The following IQGAP1 variants were observed in gnomAD, a reference collection of about 807,000 sequenced individuals.
IQGAP1 encodes IQ motif containing GTPase activating protein 1.
A neutral mutation model predicts 215.6 loss-of-function variants in IQGAP1; 66 were observed. That is an observed-to-expected ratio of 0.31 (90% CI 0.25 to 0.38). The LOEUF (loss-of-function observed/expected upper bound fraction) is 0.38, where lower values mean the gene tolerates loss of function less well. IQGAP1 is among the 10% of genes least tolerant of loss of function. The pLI, the probability that IQGAP1 is intolerant of heterozygous loss-of-function variation, is 1.00. For missense variants in IQGAP1, 1,712 were observed against 1,997.1 expected, an observed-to-expected ratio of 0.86 and a Z score of 2.72; for synonymous variants, 772 against 728.7, an observed-to-expected ratio of 1.06 and a Z score of -0.96.
rs909996108 is a variant in IQGAP1 at position 90,477,306 on chromosome 15, CTGATCTTTTCT to C, written c.3104+83_3104+93del. On this transcript the variant is annotated intron_variant, in intron 25 of 37. Transcript: ENST00000268182. Reference sequence around the variant, plus strand: ...CTCCCAGTTTGAGATTCATGCCTTCCTGATCTTTTCTTGATCTCAATTAATTTATGAAAAAT... The same window carrying C: ...CTCCCAGTTTGAGATTCATGCCTTCCTGATCTCAATTAATTTATGAAAAAT... The C allele has an allele frequency of 3.0e-5, 36 of 1,191,952 alleles. No homozygotes were observed. The Middle Eastern group carries it at 6.4e-4, about 21-fold the overall frequency. 73.8% of individuals were successfully genotyped at this position (1,191,952 alleles called of 1,614,324 possible). A position where few individuals can be genotyped will look rare whatever the true frequency, so the allele number is the denominator to read the frequency against.
chr15:90,428,567 T>A (rs1965259300), intron 3 of IQGAP1, among the ~76,000 whole-genome samples: 1 of 151,276 alleles, frequency 6.6e-6, no homozygotes, highest in Non-Finnish European at 1.5e-5. Flanking sequence ...CTCACTTGAG[T>A]CTAGGAGTTT....
intron 9 of IQGAP1, 100 bp downstream of exon 9, chr15:90,443,578 T>C: frequency 3.0e-6 from 2 of 669,430 alleles, no homozygotes; most frequent in East Asian, 2.9e-5. Flanking sequence ...TTACTTACTT[T>C]AGACATTCGT....
chr15:90,415,313 A>G (rs8041401), intron 2 of IQGAP1, among the ~76,000 whole-genome samples: 28,599 of 152,136 alleles, frequency 0.19, 2,789 homozygotes, highest in South Asian at 0.23. Context: ...TATACATGTA[A>G]AGATTATGGA....
At chr15:90,393,169 G>A (rs1380227263) in intron 2 of IQGAP1, among the ~76,000 whole-genome samples, 1 of 102,330 alleles carries the variant, frequency 9.8e-6, no homozygotes, top group Non-Finnish European at 1.8e-5. Context: ...AGTAGGTCGG[G>A]GTGGGAGATC....
In IQGAP1 at chr15:90,474,713, G is replaced by A. The variant is rs374456261; in HGVS notation, c.2784+20G>A. 2.9e-4 allele frequency: 464 copies of A among 1,575,154 alleles called. 1 individual carries two copies. The highest frequency in any genetic ancestry group is 3.5e-4 in the Non-Finnish European group (396 of 1,145,216). On this transcript the variant is annotated intron_variant, in intron 23 of 37. Transcript: ENST00000268182. ...TTGCAGGTATGGCCCAGTGCCAGCG[G>A]GGGCCTTGGAACGGTTCATCCTGCT... is the stretch of plus-strand genomic sequence containing the variant.
intron 36 of IQGAP1, among the ~76,000 whole-genome samples, chr15:90,495,334 T>C (rs1966256585): frequency 6.6e-6 from 1 of 152,168 alleles, no homozygotes; most frequent in Non-Finnish European, 1.5e-5. Context: ...CAGTCAGCCC[T>C]GTGACCTCAG....
chr15:90,433,108 G>T (rs6496674), intron 4 of IQGAP1, among the ~76,000 whole-genome samples: 27,810 of 152,128 alleles, frequency 0.18, 2,653 homozygotes, highest in South Asian at 0.22. Context: ...ATCGATTTTG[G>T]TAAGTGCTAC....
chr15:90,462,388 A>G (rs371513833), intron 15 of IQGAP1, among the ~76,000 whole-genome samples: 1 of 152,100 alleles, frequency 6.6e-6, no homozygotes, highest in Admixed American at 6.5e-5. Flanking sequence ...TTGAAATCCC[A>G]CTATATGGCA....
intron 4 of IQGAP1, among the ~76,000 whole-genome samples, chr15:90,431,770 C>T (rs779706945): frequency 7.9e-5 from 12 of 152,092 alleles, no homozygotes; most frequent in South Asian, 4.1e-4. Context: ...ATGTATAATA[C>T]GTAATTGACA....
At chr15:90,469,595 G>T (rs1230582426) in intron 18 of IQGAP1, among the ~76,000 whole-genome samples, 3 of 152,212 alleles carry the variant, frequency 2.0e-5, no homozygotes, top group Non-Finnish European at 4.4e-5. Flanking sequence ...TCACAGTGTT[G>T]TGAAAACAGC....
Position 90,391,041 on chromosome 15 carries a change from G to T in IQGAP1, c.155+168G>T. On this transcript the variant is annotated intron_variant, in intron 2 of 37. Transcript: ENST00000268182. ...ACTTGAACCCAGCTGTTTGAGACCA[G>T]ATTGGGCAACATAGTGACACCCCAT... 4 of 538,232 alleles carry T rather than the reference G, an allele frequency of 7.4e-6. No homozygotes were observed. The South Asian group carries it at 8.4e-5, about 11-fold the overall frequency. The allele number at this position is 538,232 out of a possible 1,614,324, so 33.3% of individuals were successfully genotyped here.
chr15:90,495,649 TTC>T (rs960955137), intron 36 of IQGAP1, among the ~76,000 whole-genome samples: 3 of 139,576 alleles, frequency 2.1e-5, no homozygotes, highest in East Asian at 4.4e-4. Context: ...CTTTTTCTTC[TTC>T]TTTTTTTTTT....
At chr15:90,480,220 T>A (rs8029305) in intron 26 of IQGAP1, among the ~76,000 whole-genome samples, 27,668 of 92,468 alleles carry the variant, frequency 0.3, 2,977 homozygotes, top group African/African-American at 0.44. Flanking sequence ...CCCCATATCT[T>A]AAAAAAAAAA....
chr15:90,424,725 G>A (rs538375102), intron 2 of IQGAP1, among the ~76,000 whole-genome samples: 3 of 152,192 alleles, frequency 2.0e-5, no homozygotes, highest in Non-Finnish European at 4.4e-5. Context: ...TGTAATCCCA[G>A]CAACTCGGGA....
chr15:90,472,789 G>A lies in IQGAP1; in HGVS notation c.2179-51G>A, dbSNP rs1426454814. ...TGTGGATGATACTTCGTGAAAACCTGCATCCATTCTTGCCTGTGAATGTCT... is the reference window on the plus strand; with the variant it reads ...TGTGGATGATACTTCGTGAAAACCTACATCCATTCTTGCCTGTGAATGTCT... On this transcript the variant is annotated intron_variant, in intron 18 of 37. Coordinates refer to ENST00000268182, the MANE Select transcript of IQGAP1 (RefSeq NM_003870.4). 2.6e-6 allele frequency: 4 copies of A among 1,534,566 alleles called. No individual in the cohort carries two copies. In the Admixed American group the frequency reaches 7.3e-5, roughly 28 times the overall value.
At chr15:90,494,607 C>A in intron 35 of IQGAP1, 106 bp from the exon 36 acceptor site, 1 of 906,400 alleles carries the variant, frequency 1.1e-6, no homozygotes, top group Non-Finnish European at 1.6e-6. Context: ...GTTACTTATG[C>A]TTATGTCTGG....
At chr15:90,443,061 C>T (rs1965474630) in intron 8 of IQGAP1, among the ~76,000 whole-genome samples, 1 of 151,276 alleles carries the variant, frequency 6.6e-6, no homozygotes, top group African/African-American at 2.4e-5. Flanking sequence ...CTGGGGAAAG[C>T]AATCTTACTG....
chr15:90,454,082 A>C (rs1022571138), intron 13 of IQGAP1, among the ~76,000 whole-genome samples: 3 of 152,308 alleles, frequency 2.0e-5, no homozygotes, highest in Non-Finnish European at 4.4e-5. Context: ...AATCTTTCCT[A>C]AATCAGTACC....
chr15:90,459,937 A>G (rs1346692861), intron 15 of IQGAP1, among the ~76,000 whole-genome samples: 1 of 152,152 alleles, frequency 6.6e-6, no homozygotes, highest in African/African-American at 2.4e-5. Flanking sequence ...TATATTTTCA[A>G]AGAGTTTGTA....
Sources: allele counts gnomAD v4.1 joint callset (sites outside exome capture counted in the v4.1 genomes callset), GRCh38; gene constraint gnomAD v4.1.1; transcripts MANE v1.5; gene names NCBI Gene and HGNC (gene_info 2026-07-23, HGNC 2026-07-21).